The following LRIT3 variants were observed in gnomAD, a reference collection of about 807,000 sequenced individuals.
The protein encoded by LRIT3 is leucine rich repeat, Ig-like and transmembrane domains 3, also known as leucine-rich repeat, immunoglobulin-like domain and transmembrane domain-containing protein 3.
A neutral mutation model predicts 22.6 loss-of-function variants in LRIT3; 14 were observed. The ratio of observed to expected loss-of-function variants is 0.62; its 90% CI spans 0.41 to 0.97. LRIT3 has a LOEUF of 0.97. Among genes scored for constraint, LRIT3 ranks in the 50% least tolerant of loss-of-function variants. The pLI is 0.00. For missense variants in LRIT3, 783 were observed against 803.0 expected (o/e 0.98, Z 0.30); for synonymous variants, 306 against 304.5 (o/e 1.01, Z -0.05).
intron 2 of LRIT3, among the ~76,000 whole-genome samples, chr4:109,860,048 A>G (rs1052574484): frequency 1.3e-5 from 2 of 152,212 alleles, no homozygotes; most frequent in African/African-American, 4.8e-5. Context: ...CCCTGCAAAT[A>G]AACATTGGAA....
Position 109,867,714 on chromosome 4 carries a change from T to C in LRIT3, c.663T>C (p.Pro221=), listed in dbSNP as rs765019345. 3 of 1,614,218 alleles carry C rather than the reference T, an allele frequency of 1.9e-6. No homozygotes were observed. Among genetic ancestry groups the C allele is most frequent in the Middle Eastern group, 1.6e-4 (1 of 6,062 alleles). ...TTGAGTTGTCAAAGGTCGTTGACCC[T>C]GCTATAGTGCTTCTGGATCCACTGA... ...KMIELSKVVD[P]AIVLLDPLMT... Residue 221 remains proline, a synonymous_variant, in exon 3 of 4, where the codon CCT becomes CCC. Transcript: ENST00000594814.
intron 1 of LRIT3, among the ~76,000 whole-genome samples, chr4:109,850,043 T>C (rs1344595279): frequency 6.6e-6 from 1 of 152,258 alleles, no homozygotes. Context: ...GGTCTTTTCC[T>C]GAAGTTATAG....
intron 2 of LRIT3, among the ~76,000 whole-genome samples, chr4:109,866,534 T>C (rs1315648069): frequency 1.3e-5 from 2 of 152,246 alleles, no homozygotes; most frequent in African/African-American, 4.8e-5. Flanking sequence ...GATTCCTTTA[T>C]ATTTAACAGT....
Position 109,851,484 on chromosome 4 carries a change from T to C in LRIT3, c.117-20T>C. The C allele has an allele frequency of 4.7e-6, 7 of 1,487,020 alleles. No individual in the cohort carries two copies. Among genetic ancestry groups the C allele is most frequent in the Non-Finnish European group, 5.4e-6 (6 of 1,117,556 alleles). The allele number at this position is 1,487,020 out of a possible 1,614,324, so 92.1% of individuals were successfully genotyped here. A position where few individuals can be genotyped will look rare whatever the true frequency, so the allele number is the denominator to read the frequency against. ...TGTTGGAAAGTGAGTTTCCTCACAT[T>C]GTTCATGTTGTGACACTAGGTTGGT... On this transcript the variant is annotated intron_variant, in intron 1 of 3. Transcript: ENST00000594814.
Position 109,870,275 on chromosome 4 carries a change from C to CCA in LRIT3, c.1531_1532dup (p.Asn512IlefsTer5). 3.7e-6 allele frequency: 6 copies of CCA among 1,614,172 alleles called. No homozygotes were observed. Among genetic ancestry groups the CCA allele is most frequent in the Non-Finnish European group, 5.1e-6 (6 of 1,180,034 alleles). On this transcript the variant is annotated frameshift_variant, in exon 4 of 4. Coordinates refer to ENST00000594814, the MANE Select transcript of LRIT3 (RefSeq NM_198506.5). LOFTEE classifies it low-confidence loss of function (END_TRUNC). ...ACATTGACGTGGAATATGATCAACA[C>CCA]CACACATAACTCTGCAGTGACTGTG...
In LRIT3 at chr4:109,853,251, C is replaced by T. The variant is rs546769759; in HGVS notation, c.589+1275C>T. Among the ~76,000 whole-genome samples the T allele has an allele frequency of 1.5e-3, 231 of 152,278 alleles. 1 individual carries two copies. Among genetic ancestry groups the T allele is most frequent in the African/African-American group, 5.2e-3 (218 of 41,556 alleles). ...ACATCCTCTCCAGCGTCTGTTGTTT[C>T]CTGACTTTTTAATGATCGCCATTCT... On this transcript the variant is annotated intron_variant, in intron 2 of 3. Coordinates refer to ENST00000594814, the MANE Select transcript of LRIT3 (RefSeq NM_198506.5).
intron 2 of LRIT3, among the ~76,000 whole-genome samples, chr4:109,853,925 G>C (rs1409867056): frequency 6.6e-6 from 1 of 152,080 alleles, no homozygotes; most frequent in African/African-American, 2.4e-5. Flanking sequence ...TGAGACCTCT[G>C]TTCTGTTCCA....
In LRIT3 at chr4:109,851,403, C is replaced by T. The variant is rs1029191474; in HGVS notation, c.117-101C>T. 7.6e-6 allele frequency: 11 copies of T among 1,438,244 alleles called. No homozygotes were observed. The African/African-American group carries it at 1.4e-4, about 19-fold the overall frequency. The allele number at this position is 1,438,244 out of a possible 1,614,324, so 89.1% of individuals were successfully genotyped here. On this transcript the variant is annotated intron_variant, in intron 1 of 3. Transcript: ENST00000594814. ...GTGCTGGGATTACAGGCGTGAGCCA[C>T]TGCCCAGCTGAAAATTGATACATTT...
chr4:109,859,929 C>G (rs1432241823), intron 2 of LRIT3, among the ~76,000 whole-genome samples: 2 of 152,178 alleles, frequency 1.3e-5, no homozygotes, highest in Admixed American at 6.5e-5. Context: ...TTCAAGGGGT[C>G]TCCCTACATA....
In LRIT3 at chr4:109,869,886, A is replaced by G. The variant is rs769927181; in HGVS notation, c.1137A>G (p.Val379=). 15 of 1,614,126 alleles carry G rather than the reference A, an allele frequency of 9.3e-6. 1 individual carries two copies. The South Asian group carries it at 1.4e-4, about 15-fold the overall frequency. The part of the protein sequence containing the change: ...VQPGSGRSTS[V]SSASSYLWSS... ...CGGGATCTGGAAGATCTACATCTGTATCTAGCGCATCATCATATCTTTGGT... is the reference window on the plus strand; with the variant it reads ...CGGGATCTGGAAGATCTACATCTGTGTCTAGCGCATCATCATATCTTTGGT... Residue 379 remains valine (V), a synonymous_variant, in exon 4 of 4, where the codon GTA becomes GTG. Coordinates refer to ENST00000594814, the MANE Select transcript of LRIT3 (RefSeq NM_198506.5).
intron 1 of LRIT3, among the ~76,000 whole-genome samples, chr4:109,849,743 G>A (rs1269131086): frequency 6.6e-6 from 1 of 152,218 alleles, no homozygotes; most frequent in Non-Finnish European, 1.5e-5. Context: ...CTCCCAAGGA[G>A]CTGGGATTAC....
chr4:109,850,353 G>GCC, intron 1 of LRIT3, among the ~76,000 whole-genome samples: 1 of 135,212 alleles, frequency 7.4e-6, no homozygotes, highest in South Asian at 2.5e-4. Context: ...GGACAGTGTT[G>GCC]TCTTCCTTCC....
intron 2 of LRIT3, among the ~76,000 whole-genome samples, chr4:109,854,398 G>T (rs540630905): frequency 6.6e-6 from 1 of 152,046 alleles, no homozygotes; most frequent in African/African-American, 2.4e-5. Flanking sequence ...TCTATTATTG[G>T]TGTATAGAAA....
chr4:109,851,468 G>T, intron 1 of LRIT3, 36 bp from the exon 2 acceptor site: 1 of 1,476,868 alleles, frequency 6.8e-7, no homozygotes, highest in South Asian at 1.4e-5. Flanking sequence ...GTGTTGGAAA[G>T]TGAGTTTCCT....
chr4:109,865,352 C>T, intron 2 of LRIT3: 1 of 1,524,544 alleles, frequency 6.6e-7, no homozygotes, highest in Non-Finnish European at 9.1e-7. Flanking sequence ...ATCAGGTCAA[C>T]TAATACGTAC....
chr4:109,869,207 TTAAG>T (rs1272399672), intron 3 of LRIT3, among the ~76,000 whole-genome samples: 6 of 152,320 alleles, frequency 3.9e-5, no homozygotes, highest in South Asian at 2.1e-4. Context: ...TAAGAAATAC[TTAAG>T]TAAGATCTTA....
chr4:109,850,460 T>TTTCC (rs2125896750), intron 1 of LRIT3, among the ~76,000 whole-genome samples: 1 of 132,410 alleles, frequency 7.6e-6, no homozygotes, highest in African/African-American at 2.9e-5. Context: ...TCTTTCTTTC[T>TTTCC]TTCTTTCTTT....
At chr4:109,849,961 T>C (rs1734170233) in intron 1 of LRIT3, among the ~76,000 whole-genome samples, 1 of 152,222 alleles carries the variant, frequency 6.6e-6, no homozygotes, top group Non-Finnish European at 1.5e-5. Flanking sequence ...TATAAAGTAG[T>C]ACTGAAATCT....
At position 109,851,964 on chromosome 4, in the gene LRIT3, A is replaced by G; in HGVS notation, c.577A>G (p.Arg193Gly). The change falls in exon 2 of 4, where the codon AGG becomes GGG. Residue 193 changes from arginine (R) to glycine (G), a missense_variant. Around this residue, in one of 2 missense-constraint regions of LRIT3, gnomAD observed 756 missense variants for 753.8 expected, o/e 1.00. Transcript: ENST00000594814. The part of the protein sequence containing the change: ...PSGVLDLSPS[R>G]IILGLQDNPW... ...TGGAGTCCTGGACCTTTCCCCAAGC[A>G]GGATTATTCTTGGTAAGCTCGCAAG... 6.5e-7 allele frequency: 1 copy of G among 1,543,124 alleles called. No individual in the cohort carries two copies. Among genetic ancestry groups the G allele is most frequent in the South Asian group, 1.2e-5 (1 of 82,730 alleles).
Sources: gnomAD v4.1 joint callset for allele counts (sites outside exome capture counted in the v4.1 genomes callset) on GRCh38, gnomAD v4.1.1 for gene constraint, gnomAD v4.1.1 regional missense constraint, MANE v1.5 for transcripts, NCBI Gene and HGNC (gene_info 2026-07-23, HGNC 2026-07-21) for gene names.